DYM: variants seen among roughly 807,000 people sequenced by gnomAD.
DYM encodes the protein dyggve-Melchior-Clausen syndrome protein.
Under a neutral mutation model 93.1 loss-of-function variants are expected in DYM, and 78 were observed. The observed-to-expected ratio is 0.84, with a 90% CI of 0.70 to 1.01. DYM has a LOEUF of 1.01. Ranked by LOEUF, DYM falls within the 50% of genes least tolerant of loss-of-function variation. The pLI, the probability that DYM is intolerant of heterozygous loss-of-function variation, is 0.00. For missense variants in DYM, 789 were observed against 845.0 expected (o/e 0.93, Z 0.82); for synonymous variants, 321 against 319.7 (o/e 1.00, Z -0.04).
intron 2 of DYM, among the ~76,000 whole-genome samples, chr18:49,408,328 G>T (rs145257153): frequency 9.9e-5 from 15 of 152,252 alleles, no homozygotes; most frequent in African/African-American, 3.6e-4. Flanking sequence ...CTTACTGGTG[G>T]ACATTTAAGT....
chr18:49,256,219 T>C (rs1338788096), intron 13 of DYM, among the ~76,000 whole-genome samples: 1 of 152,074 alleles, frequency 6.6e-6, no homozygotes, highest in Non-Finnish European at 1.5e-5. Flanking sequence ...TTACCTTACA[T>C]GGCAAAAGCG....
intron 16 of DYM, chr18:49,115,932 A>G (rs1389886362): frequency 3.3e-5 from 5 of 152,220 alleles, no homozygotes; most frequent in Non-Finnish European, 7.3e-5. Context: ...GGGAATCCTT[A>G]TAGCAGTTTT....
intron 17 of DYM, among the ~76,000 whole-genome samples, chr18:49,071,726 G>T (rs1427568152): frequency 6.6e-6 from 1 of 152,030 alleles, no homozygotes; most frequent in African/African-American, 2.4e-5. Flanking sequence ...TCCAAAGGGG[G>T]AAAAAAGAGT....
At chr18:49,366,404 T>G (rs2066519068) in intron 5 of DYM, among the ~76,000 whole-genome samples, 1 of 152,246 alleles carries the variant, frequency 6.6e-6, no homozygotes, top group South Asian at 2.1e-4. Context: ...CTGAGGTTCT[T>G]TGAGCAAAGG....
At chr18:49,261,956 T>C (rs1438207670) in intron 11 of DYM, among the ~76,000 whole-genome samples, 1 of 152,204 alleles carries the variant, frequency 6.6e-6, no homozygotes, top group Non-Finnish European at 1.5e-5. Flanking sequence ...TTCCTTTGTG[T>C]GTTTTCTAGT....
intron 1 of DYM, among the ~76,000 whole-genome samples, chr18:49,459,604 C>T (rs1018671966): frequency 6.6e-6 from 1 of 152,044 alleles, no homozygotes; most frequent in Non-Finnish European, 1.5e-5. Flanking sequence ...TCTCCAACTT[C>T]CCCTCTCCTC....
chr18:49,203,873 A>T (rs2092311599), intron 14 of DYM, among the ~76,000 whole-genome samples: 1 of 42,118 alleles, frequency 2.4e-5, no homozygotes, highest in Admixed American at 2.2e-4. Context: ...TAAAAAAGTA[A>T]AAAAAAAAAA....
At chr18:49,048,626 T>C (rs1443017117) in intron 17 of DYM, among the ~76,000 whole-genome samples, 3 of 151,706 alleles carry the variant, frequency 2.0e-5, no homozygotes, top group Non-Finnish European at 4.4e-5. Context: ...CTCAGAAGAA[T>C]TCCTTCCAGC....
chr18:49,282,334 G>T (rs2095007686), intron 9 of DYM, among the ~76,000 whole-genome samples, 159 bp from the exon 10 acceptor site: 1 of 152,210 alleles, frequency 6.6e-6, no homozygotes, highest in South Asian at 2.1e-4. Context: ...TTACTTTAGG[G>T]CCAGGCATGG....
At chr18:49,325,907 C>G (rs923085602) in intron 8 of DYM, among the ~76,000 whole-genome samples, 4 of 152,124 alleles carry the variant, frequency 2.6e-5, no homozygotes, top group Admixed American at 6.5e-5. Flanking sequence ...TTAAATCCAC[C>G]ATAAGCTGCC....
intron 11 of DYM, among the ~76,000 whole-genome samples, chr18:49,261,399 G>A (rs2094487940): frequency 6.6e-6 from 1 of 152,242 alleles, no homozygotes; most frequent in Admixed American, 6.5e-5. Context: ...GGCTGGGCAT[G>A]GAGGCTCACG....
chr18:49,331,807 C>T, intron 8 of DYM, 57 bp downstream of exon 8: 12 of 1,598,820 alleles, frequency 7.5e-6, no homozygotes, highest in South Asian at 1.1e-5. Flanking sequence ...ATTTCTTATG[C>T]CTAAATAGAT....
intron 15 of DYM, among the ~76,000 whole-genome samples, chr18:49,135,607 C>T (rs2083771647): frequency 6.6e-6 from 1 of 152,094 alleles, no homozygotes; most frequent in African/African-American, 2.4e-5. Flanking sequence ...TTATTAGGTA[C>T]AGATGTATTT....
chr18:49,155,399 T>C (rs2086289194), intron 15 of DYM, among the ~76,000 whole-genome samples: 1 of 152,220 alleles, frequency 6.6e-6, no homozygotes, highest in Admixed American at 6.5e-5. Context: ...ATACAATTCA[T>C]ATACCATATA....
intron 17 of DYM, among the ~76,000 whole-genome samples, chr18:49,071,241 T>G (rs2076862405): frequency 6.6e-6 from 1 of 152,266 alleles, no homozygotes; most frequent in African/African-American, 2.4e-5. Flanking sequence ...GCACATGATT[T>G]GAATGCTTTC....
At chr18:49,288,758 C>A (rs181829406) in intron 8 of DYM, among the ~76,000 whole-genome samples, 5 of 150,960 alleles carry the variant, frequency 3.3e-5, no homozygotes, top group Non-Finnish European at 5.9e-5. Context: ...CCAGCCTGGG[C>A]GACAGAGTAA....
At chr18:49,125,209 G>A (rs566937926) in intron 15 of DYM, among the ~76,000 whole-genome samples, 6 of 149,360 alleles carry the variant, frequency 4.0e-5, no homozygotes, top group South Asian at 4.2e-4. Flanking sequence ...GCAGTGAGCC[G>A]AGATTGCCTA....
At chr18:49,311,004 T>A (rs2061556262) in intron 8 of DYM, among the ~76,000 whole-genome samples, 3 of 152,234 alleles carry the variant, frequency 2.0e-5, no homozygotes. Context: ...AATTAAGTAT[T>A]TTGCATTTTT....
chr18:49,213,755 C>T (rs975775850), intron 13 of DYM, among the ~76,000 whole-genome samples: 1 of 152,110 alleles, frequency 6.6e-6, no homozygotes, highest in Non-Finnish European at 1.5e-5. Flanking sequence ...TCCTCTCCTT[C>T]CTTTGAGAAA....
Sources: gnomAD v4.1 joint callset for allele counts (sites outside exome capture counted in the v4.1 genomes callset) on GRCh38, gnomAD v4.1.1 for gene constraint, MANE v1.5 for transcripts, NCBI Gene and HGNC (gene_info 2026-07-23, HGNC 2026-07-21) for gene names.